Variants in IRF8 observed in about 807,000 individuals in gnomAD.
The protein encoded by IRF8 is interferon regulatory factor 8.
Under a neutral mutation model 48.7 loss-of-function variants are expected in IRF8, and 14 were observed. The observed-to-expected ratio is 0.29, with a 90% CI of 0.19 to 0.45. The LOEUF (loss-of-function observed/expected upper bound fraction) is 0.45, where lower values mean the gene tolerates loss of function less well. Ranked by LOEUF, IRF8 falls within the 20% of genes least tolerant of loss-of-function variation. The probability of loss-of-function intolerance (pLI) is 1.00; values close to 1 mark genes in which losing one functional copy is unlikely to be tolerated. For synonymous variants in IRF8, 278 were observed against 227.3 expected (o/e 1.22, Z -2.01); for missense variants, 493 against 580.7 (o/e 0.85, Z 1.55).
In IRF8 at chr16:85,913,128, C is replaced by T. The variant is rs745629064; in HGVS notation, c.448-3C>T. ...CCCTCCTCTCCCTCCCCTGACTGTG[C>T]AGCCTTCTGTGGACGATTACATGGG... On this transcript the variant is annotated splice_region_variant and splice_polypyrimidine_tract_variant and intron_variant, in intron 4 of 8. Transcript: ENST00000268638. 47 of 1,612,200 alleles carry T rather than the reference C, an allele frequency of 2.9e-5. No homozygotes were observed. The highest frequency in any genetic ancestry group is 3.8e-5 in the Non-Finnish European group (45 of 1,178,364).
At chr16:85,914,172 G>C in intron 5 of IRF8, 1 of 451,610 alleles carries the variant, frequency 2.2e-6, no homozygotes, top group Non-Finnish European at 4.1e-6. Flanking sequence ...TATTCTGGGG[G>C]TAAGTGCTTG....
chr16:85,907,257 T>C (rs1567471517), intron 2 of IRF8, among the ~76,000 whole-genome samples: 1 of 152,238 alleles, frequency 6.6e-6, no homozygotes, highest in African/African-American at 2.4e-5. Flanking sequence ...GTAAGCATTC[T>C]TGTCTTTTTT....
At chr16:85,901,164 C>G (rs1048894530) in intron 1 of IRF8, 1 of 152,158 alleles carries the variant, frequency 6.6e-6, no homozygotes, top group African/African-American at 2.4e-5. Flanking sequence ...TACCCTCTCC[C>G]AAGTCTGTCC....
intron 1 of IRF8, among the ~76,000 whole-genome samples, chr16:85,902,381 C>T (rs1052744625): frequency 6.6e-6 from 1 of 152,160 alleles, no homozygotes; most frequent in African/African-American, 2.4e-5. Flanking sequence ...GTAGCTGATG[C>T]CCTGAGTTTA....
chr16:85,917,110 A>G (rs2143037569), intron 6 of IRF8, among the ~76,000 whole-genome samples: 1 of 152,298 alleles, frequency 6.6e-6, no homozygotes, highest in Non-Finnish European at 1.5e-5. Context: ...CTGAGTGCCC[A>G]GCAGTGTCAG....
chr16:85,899,536 T>C (rs542032446), intron 1 of IRF8, among the ~76,000 whole-genome samples: 2 of 152,294 alleles, frequency 1.3e-5, no homozygotes, highest in South Asian at 2.1e-4. Flanking sequence ...TGAACGGCAA[T>C]AGCAACCCCC....
chr16:85,902,541 C>G (rs141356068), intron 1 of IRF8: 12 of 225,440 alleles, frequency 5.3e-5, no homozygotes, highest in East Asian at 4.2e-4. Flanking sequence ...CCAGACGGCA[C>G]GGACGCAGTA....
At chr16:85,907,506 C>T (rs563802710) in intron 2 of IRF8, among the ~76,000 whole-genome samples, 40 of 152,220 alleles carry the variant, frequency 2.6e-4, no homozygotes, top group African/African-American at 9.6e-4. Flanking sequence ...GGTGAAACCT[C>T]GTCTGTACTA....
chr16:85,907,000 T>C (rs1302044226), intron 2 of IRF8, among the ~76,000 whole-genome samples: 1 of 152,174 alleles, frequency 6.6e-6, no homozygotes, highest in Non-Finnish European at 1.5e-5. Context: ...GGTTTGCTGG[T>C]TTATTTCTTT....
At chr16:85,905,881 A>G (rs562996625) in intron 2 of IRF8, among the ~76,000 whole-genome samples, 1 of 152,382 alleles carries the variant, frequency 6.6e-6, no homozygotes, top group East Asian at 1.9e-4. Flanking sequence ...CTTATACCAG[A>G]AAATCCCTCA....
intron 2 of IRF8, among the ~76,000 whole-genome samples, chr16:85,903,707 C>T (rs1904900399): frequency 6.6e-6 from 1 of 152,172 alleles, no homozygotes; most frequent in Admixed American, 6.5e-5. Context: ...TCTCACCTCC[C>T]TTGAGAGTAA....
chr16:85,904,002 C>T (rs1904910812), intron 2 of IRF8, among the ~76,000 whole-genome samples: 1 of 152,180 alleles, frequency 6.6e-6, no homozygotes, highest in Non-Finnish European at 1.5e-5. Flanking sequence ...GACAGAGGAA[C>T]CAGGAATTAG....
chr16:85,902,223 G>A (rs572730675), intron 1 of IRF8, among the ~76,000 whole-genome samples: 6 of 152,240 alleles, frequency 3.9e-5, no homozygotes, highest in East Asian at 1.9e-4. Flanking sequence ...TCAGTTGGTC[G>A]TAGGAGTTGC....
intron 6 of IRF8, among the ~76,000 whole-genome samples, chr16:85,917,442 A>G (rs1227400204): frequency 6.6e-6 from 1 of 152,160 alleles, no homozygotes; most frequent in African/African-American, 2.4e-5. Flanking sequence ...GACTGTTACT[A>G]ACATCATGTT....
chr16:85,900,522 G>A (rs2152097777), intron 1 of IRF8, among the ~76,000 whole-genome samples: 1 of 152,356 alleles, frequency 6.6e-6, no homozygotes, highest in East Asian at 1.9e-4. Flanking sequence ...GACCACGAAG[G>A]ACACACAGAC....
chr16:85,914,527 G>A lies in IRF8; in HGVS notation c.601+7G>A, dbSNP rs900645680. 5.0e-6 allele frequency: 8 copies of A among 1,613,954 alleles called. No individual in the cohort carries two copies. The highest frequency in any genetic ancestry group is 2.7e-5 in the African/African-American group (2 of 74,922). On this transcript the variant is annotated splice_region_variant and intron_variant, in intron 6 of 8. Transcript: ENST00000268638. The stretch of plus-strand genomic sequence containing the variant: ...TACGACGCGCACCATTCAGGTACGG[G>A]GTGGTCCGGGCTGAGAGGGGCGTGG...
chr16:85,916,598 G>A (rs2143035244), intron 6 of IRF8, among the ~76,000 whole-genome samples: 1 of 152,344 alleles, frequency 6.6e-6, no homozygotes, highest in South Asian at 2.1e-4. Flanking sequence ...CGTCTCTGAA[G>A]CACTTAGCTG....
chr16:85,914,362 G>C, intron 5 of IRF8, 111 bp from the exon 6 acceptor site: 1 of 1,258,004 alleles, frequency 7.9e-7, no homozygotes, highest in Non-Finnish European at 1.2e-6. Flanking sequence ...TGGAGCCTCT[G>C]GCACGCCATG....
chr16:85,900,533 G>C (rs927574155), intron 1 of IRF8, among the ~76,000 whole-genome samples: 1 of 152,222 alleles, frequency 6.6e-6, no homozygotes, highest in South Asian at 2.1e-4. Context: ...ACACACAGAC[G>C]TGGCTGCACA....
Sources: allele counts gnomAD v4.1 joint callset (sites outside exome capture counted in the v4.1 genomes callset), GRCh38; gene constraint gnomAD v4.1.1; transcripts MANE v1.5; gene names NCBI Gene and HGNC (gene_info 2026-07-23, HGNC 2026-07-21).